Variants in SLIT3 observed in about 807,000 individuals in gnomAD.
SLIT3 encodes the protein slit guidance ligand 3, also known as slit homolog 3 protein.
In SLIT3, 68 loss-of-function variants were observed where a neutral mutation model predicts 184.0. The ratio of observed to expected loss-of-function variants is 0.37; its 90% CI spans 0.30 to 0.45. The LOEUF (loss-of-function observed/expected upper bound fraction) is 0.45. Ranked by LOEUF, SLIT3 falls within the 20% of genes least tolerant of loss-of-function variation. SLIT3 has a pLI of 1.00. For missense variants in SLIT3, 1,707 were observed against 2,026.0 expected (o/e 0.84, Z 3.02); for synonymous variants, 831 against 828.6 (o/e 1.00, Z -0.05).
intron 32 of SLIT3, among the ~76,000 whole-genome samples, chr5:168,679,595 A>T (rs1761518731): frequency 6.6e-6 from 1 of 152,148 alleles, no homozygotes; most frequent in South Asian, 2.1e-4. Context: ...TTATTCCTCT[A>T]GGTGCTGGTT....
intron 1 of SLIT3, among the ~76,000 whole-genome samples, chr5:169,294,290 T>TC (rs1348604559): frequency 1.4e-5 from 2 of 144,904 alleles, no homozygotes; most frequent in African/African-American, 5.1e-5. Context: ...GGCCAAAAAT[T>TC]CCCCATGAAA....
chr5:169,074,237 T>C (rs966522390), intron 4 of SLIT3, among the ~76,000 whole-genome samples: 85 of 152,128 alleles, frequency 5.6e-4, no homozygotes, highest in African/African-American at 1.9e-3. Flanking sequence ...ATTTTGGGTA[T>C]TGTTGCTAGC....
chr5:168,988,041 C>G (rs988964448), intron 4 of SLIT3, among the ~76,000 whole-genome samples: 2 of 152,204 alleles, frequency 1.3e-5, no homozygotes, highest in Admixed American at 6.5e-5. Flanking sequence ...CAGCCACACT[C>G]CATCAGAAAG....
intron 4 of SLIT3, among the ~76,000 whole-genome samples, chr5:168,935,705 T>G (rs1170753255): frequency 2.6e-5 from 4 of 152,196 alleles, no homozygotes; most frequent in African/African-American, 9.7e-5. Context: ...AATAGGGATA[T>G]ATAGGATTAC....
rs572826983 is a variant in SLIT3, at chr5:169,088,514, G to A, written c.413+104965C>T. 9.2e-5 allele frequency among the ~76,000 whole-genome samples: 14 copies of A among 151,708 alleles called. No homozygotes were observed. The South Asian group carries it at 1.5e-3, about 16-fold the overall frequency. On this transcript the variant is annotated intron_variant, in intron 4 of 35. Coordinates refer to ENST00000519560, the MANE Select transcript of SLIT3 (RefSeq NM_003062.4). ...AGCATAAAACCCTTTCCATAGCAAC[G>A]GCATTTCTGAGCCAGGGATTTACAA...
chr5:169,118,980 T>C (rs571906361), intron 4 of SLIT3, among the ~76,000 whole-genome samples: 20 of 152,244 alleles, frequency 1.3e-4, no homozygotes, highest in Non-Finnish European at 2.8e-4. Context: ...GTGAAAGTGT[T>C]CTACATAGAT....
intron 4 of SLIT3, among the ~76,000 whole-genome samples, chr5:168,984,747 T>G (rs1299626013): frequency 6.6e-6 from 1 of 152,152 alleles, no homozygotes. Flanking sequence ...TAAGGCTGAT[T>G]ATCAGTTAAG....
intron 4 of SLIT3, among the ~76,000 whole-genome samples, chr5:169,078,263 T>G (rs187988983): frequency 6.6e-6 from 1 of 152,288 alleles, no homozygotes; most frequent in African/African-American, 2.4e-5. Flanking sequence ...GCCAAAAGAT[T>G]CCCTGGCTTC....
In SLIT3 at chr5:168,795,551, G is replaced by A; in HGVS notation, c.963C>T (p.Ala321=). Residue 321 remains alanine (A), a synonymous_variant, in exon 10 of 36, where the codon GCC becomes GCT. Transcript: ENST00000519560. ...ACTGGGTGAAGGCTCCTGCAGGGAT[G>A]GCTTTGATGGAGTTCTGTTCTAGGC... ...EIRLEQNSIK[A]IPAGAFTQYK... 1 of 1,613,934 alleles carries A rather than the reference G, an allele frequency of 6.2e-7. No homozygotes were observed. The highest frequency in any genetic ancestry group is 8.5e-7 in the Non-Finnish European group (1 of 1,179,840).
chr5:168,712,935 T>A (rs562687637), intron 23 of SLIT3, among the ~76,000 whole-genome samples: 2 of 152,324 alleles, frequency 1.3e-5, no homozygotes, highest in South Asian at 4.1e-4. Flanking sequence ...GAGCCAGCAT[T>A]TTCTAAGTGC....
At chr5:169,298,417 C>A (rs983744187) in intron 1 of SLIT3, among the ~76,000 whole-genome samples, 1 of 152,028 alleles carries the variant, frequency 6.6e-6, no homozygotes, top group East Asian at 1.9e-4. Flanking sequence ...GGCATGGGTG[C>A]GGTTCCTGCA....
intron 3 of SLIT3, among the ~76,000 whole-genome samples, chr5:169,240,721 A>G (rs1765375941): frequency 2.6e-5 from 4 of 151,394 alleles, no homozygotes; most frequent in African/African-American, 2.4e-5. Flanking sequence ...GCATTTACAT[A>G]TAAGGTAATA....
chr5:169,129,829 TG>T (rs766842394), intron 4 of SLIT3, among the ~76,000 whole-genome samples: 256 of 127,162 alleles, frequency 2.0e-3, no homozygotes, highest in African/African-American at 8.1e-3. Flanking sequence ...TGGTTTTTTT[TG>T]TTTGTTTGTT....
At chr5:168,708,292 G>C in intron 25 of SLIT3, 192 bp from the exon 26 acceptor site, 1 of 663,668 alleles carries the variant, frequency 1.5e-6, no homozygotes, top group African/African-American at 1.8e-5. Flanking sequence ...CCACTGTCCA[G>C]TGAGGAAAAA....
chr5:168,723,610 T>G (rs924933171), intron 21 of SLIT3, among the ~76,000 whole-genome samples: 1 of 152,222 alleles, frequency 6.6e-6, no homozygotes, highest in African/African-American at 2.4e-5. Flanking sequence ...TCTATCCCCC[T>G]TCTTTTCTGG....
chr5:168,955,005 T>C (rs1013461403), intron 4 of SLIT3, among the ~76,000 whole-genome samples: 3 of 151,146 alleles, frequency 2.0e-5, no homozygotes, highest in Non-Finnish European at 4.4e-5. Context: ...GACTTCAGAA[T>C]GTCTTTGGGC....
At chr5:169,098,400 G>A (rs114146533) in intron 4 of SLIT3, among the ~76,000 whole-genome samples, 130 of 152,336 alleles carry the variant, frequency 8.5e-4, no homozygotes, top group African/African-American at 3.0e-3. Context: ...AGTAGATGCA[G>A]AAGGTTTTGG....
intron 27 of SLIT3, among the ~76,000 whole-genome samples, chr5:168,699,904 C>T (rs1246647127): frequency 6.6e-6 from 1 of 152,162 alleles, no homozygotes; most frequent in East Asian, 1.9e-4. Flanking sequence ...TAAGCCTTCA[C>T]CCAATCCTTC....
chr5:169,111,981 G>T (rs1760427185), intron 4 of SLIT3, among the ~76,000 whole-genome samples: 1 of 152,200 alleles, frequency 6.6e-6, no homozygotes, highest in South Asian at 2.1e-4. Context: ...TGGAACTCTG[G>T]ATCTAAACTC....
Sources: allele counts gnomAD v4.1 joint callset (sites outside exome capture counted in the v4.1 genomes callset), GRCh38; gene constraint gnomAD v4.1.1; transcripts MANE v1.5; gene names NCBI Gene and HGNC (gene_info 2026-07-23, HGNC 2026-07-21).